DPYD: variants seen among roughly 807,000 people sequenced by gnomAD.
The protein encoded by DPYD is dihydropyrimidine dehydrogenase.
A neutral mutation model predicts 116.2 loss-of-function variants in DPYD; 109 were observed. The observed-to-expected ratio is 0.94, with a 90% CI of 0.80 to 1.10. The LOEUF is 1.10. DPYD is among the 50% of genes least tolerant of loss of function. The pLI is 0.00. For missense variants in DPYD, 1,302 were observed against 1,254.5 expected (o/e 1.04, Z -0.57); for synonymous variants, 440 against 432.0 (o/e 1.02, Z -0.23).
intron 13 of DPYD, among the ~76,000 whole-genome samples, chr1:97,471,263 AT>A (rs1490360076): frequency 1.3e-5 from 2 of 152,190 alleles, no homozygotes; most frequent in Non-Finnish European, 2.9e-5. Flanking sequence ...CAATAGGGAA[AT>A]TATAAAAACA....
chr1:97,685,617 T>C (rs970869856), intron 7 of DPYD, among the ~76,000 whole-genome samples: 1 of 152,092 alleles, frequency 6.6e-6, no homozygotes, highest in Admixed American at 6.5e-5. Flanking sequence ...ATAGGTTAAG[T>C]TGATAAGCAA....
intron 18 of DPYD, among the ~76,000 whole-genome samples, chr1:97,288,876 CA>C (rs1343385814): frequency 6.6e-6 from 1 of 151,498 alleles, no homozygotes; most frequent in Non-Finnish European, 1.5e-5. Context: ...AAAAACCCTT[CA>C]AAAAATTAAT....
At chr1:97,571,044 GAGA>G (rs1652860164) in intron 11 of DPYD, among the ~76,000 whole-genome samples, 1 of 151,994 alleles carries the variant, frequency 6.6e-6, no homozygotes, top group Admixed American at 6.6e-5. Context: ...GTCTGGCACA[GAGA>G]AGTTCATTTA....
chr1:97,373,461 T>C, intron 16 of DPYD, 100 bp downstream of exon 16: 7 of 1,015,510 alleles, frequency 6.9e-6, no homozygotes, highest in Non-Finnish European at 1.1e-5. Flanking sequence ...TAGCCAGTCA[T>C]CTGATCCATG....
At chr1:97,258,293 G>T (rs996977789) in intron 18 of DPYD, among the ~76,000 whole-genome samples, 1 of 152,036 alleles carries the variant, frequency 6.6e-6, no homozygotes, top group Non-Finnish European at 1.5e-5. Context: ...AAACTTCTTT[G>T]TACCCCCTGT....
intron 8 of DPYD, among the ~76,000 whole-genome samples, chr1:97,596,746 T>C (rs1227700021): frequency 1.3e-5 from 2 of 152,194 alleles, no homozygotes; most frequent in East Asian, 3.9e-4. Flanking sequence ...GTGGGTTGCC[T>C]GTAATCAGCA....
At chr1:97,846,090 G>A (rs1670288400) in intron 2 of DPYD, among the ~76,000 whole-genome samples, 1 of 152,178 alleles carries the variant, frequency 6.6e-6, no homozygotes, top group African/African-American at 2.4e-5. Flanking sequence ...AGAACAGCCT[G>A]CTGGGCCGAG....
intron 3 of DPYD, among the ~76,000 whole-genome samples, chr1:97,821,748 A>T (rs1369113267): frequency 6.6e-6 from 1 of 152,182 alleles, no homozygotes; most frequent in Non-Finnish European, 1.5e-5. Context: ...ATTGAATTCC[A>T]TTATTTATAC....
At chr1:97,428,533 TG>T (rs1185486675) in intron 14 of DPYD, among the ~76,000 whole-genome samples, 1 of 152,078 alleles carries the variant, frequency 6.6e-6, no homozygotes, top group Non-Finnish European at 1.5e-5. Context: ...GTTTTGTTCC[TG>T]GAAGTTTCAG....
intron 1 of DPYD, among the ~76,000 whole-genome samples, chr1:97,897,087 C>T (rs375184288): frequency 2.8e-4 from 42 of 151,900 alleles, no homozygotes; most frequent in East Asian, 1.9e-3. Flanking sequence ...TCTTGTAATG[C>T]GGGTCTGCTG....
intron 8 of DPYD, among the ~76,000 whole-genome samples, chr1:97,635,372 C>T (rs1369788358): frequency 1.3e-5 from 2 of 152,060 alleles, no homozygotes; most frequent in Admixed American, 1.3e-4. Flanking sequence ...TGTCTACATA[C>T]CAAGAGCTAG....
intron 3 of DPYD, among the ~76,000 whole-genome samples, chr1:97,773,946 G>A (rs1666269712): frequency 1.3e-5 from 2 of 152,200 alleles, no homozygotes; most frequent in African/African-American, 4.8e-5. Flanking sequence ...TGATAAGGCA[G>A]AAGGTCTAAT....
At position 97,323,340 on chromosome 1, in the gene DPYD, ATATACATGTGTATATGTACACGTATG is replaced by A. The variant is rs1369639307; in HGVS notation, c.2059-17069_2059-17044del. On this transcript the variant is annotated intron_variant, in intron 16 of 22. Transcript: ENST00000370192. ...TACATATGTGTATATGTACACGTAT[ATATACATGTGTATATGTACACGTATG>A]TATACATGTGTATATGTACACGTAT... 1.2e-4 allele frequency among the ~76,000 whole-genome samples: 10 copies of A among 84,658 alleles called. 1 individual carries two copies. The highest frequency in any genetic ancestry group is 3.1e-4 in the African/African-American group (7 of 22,344). 55.5% of individuals were successfully genotyped at this position (84,658 alleles called of 152,430 possible).
chr1:97,142,605 G>C (rs1283675268), intron 20 of DPYD, among the ~76,000 whole-genome samples: 2 of 152,024 alleles, frequency 1.3e-5, no homozygotes, highest in African/African-American at 4.8e-5. Context: ...ATCAGTAGTA[G>C]ACTTAAAACA....
intron 14 of DPYD, among the ~76,000 whole-genome samples, chr1:97,388,494 G>T (rs540377231): frequency 6.6e-6 from 1 of 152,164 alleles, no homozygotes; most frequent in South Asian, 2.1e-4. Context: ...GTGTGATGTC[G>T]TGCCAAGAGA....
At chr1:97,369,233 T>A (rs1410364269) in intron 16 of DPYD, among the ~76,000 whole-genome samples, 1 of 152,162 alleles carries the variant, frequency 6.6e-6, no homozygotes, top group East Asian at 1.9e-4. Context: ...TGGAATTATA[T>A]AAATTGCATG....
chr1:97,154,205 T>C (rs1017442454), intron 20 of DPYD, among the ~76,000 whole-genome samples: 15 of 152,282 alleles, frequency 9.9e-5, no homozygotes, highest in Non-Finnish European at 1.8e-4. Flanking sequence ...ACCATGTTTA[T>C]AGCAGCAGAA....
chr1:97,134,013 AAATATATATATATATATATATATATATAT>A lies in DPYD; in HGVS notation c.2623-35410_2623-35382del, dbSNP rs1468541649. On this transcript the variant is annotated intron_variant, in intron 20 of 22. Transcript: ENST00000370192. ...GACTCTGTTTCAAAAAAAAAAAAAA[AAATATATATATATATATATATATATATAT>A]ATATATATATATATATATATATATA... 5.9e-4 allele frequency among the ~76,000 whole-genome samples: 11 copies of A among 18,802 alleles called. 2 individuals are homozygous for A. The highest frequency in any genetic ancestry group is 9.2e-4 in the Non-Finnish European group (9 of 9,748). The allele number at this position is 18,802 out of a possible 152,430, so 12.3% of individuals were successfully genotyped here.
intron 12 of DPYD, chr1:97,546,371 A>C: frequency 1.4e-6 from 2 of 1,436,802 alleles, no homozygotes; most frequent in Non-Finnish European, 9.8e-7. Context: ...GCAGTAAAGG[A>C]AGATGAAGAA....
Sources: allele counts gnomAD v4.1 joint callset (sites outside exome capture counted in the v4.1 genomes callset), GRCh38; gene constraint gnomAD v4.1.1; transcripts MANE v1.5; gene names NCBI Gene and HGNC (gene_info 2026-07-23, HGNC 2026-07-21).